The following STOX2 variants were observed in gnomAD, a reference collection of about 807,000 sequenced individuals.
STOX2 encodes storkhead box 2.
STOX2 carries 28 observed loss-of-function variants against 60.9 expected under a neutral mutation model. The observed-to-expected ratio is 0.46, with a 90% confidence interval of 0.34 to 0.63. The LOEUF (loss-of-function observed/expected upper bound fraction) is 0.63. Among genes scored for constraint, STOX2 ranks in the 30% least tolerant of loss-of-function variants. The pLI, the probability that STOX2 is intolerant of heterozygous loss-of-function variation, is 0.01. For synonymous variants in STOX2, 472 were observed against 463.9 expected (o/e 1.02, Z -0.22); for missense variants, 1,024 against 1,187.7 (o/e 0.86, Z 2.03).
Position 184,010,249 on chromosome 4 carries a change from C to G in STOX2, c.1411C>G (p.His471Asp), listed in dbSNP as rs777006213. 1.6e-5 allele frequency: 25 copies of G among 1,565,730 alleles called. No individual in the cohort carries two copies. Among genetic ancestry groups the G allele is most frequent in the Non-Finnish European group, 2.1e-5 (24 of 1,155,418 alleles). Residue 471 changes from histidine to aspartate, a missense_variant, in exon 3 of 4, where the codon CAC becomes GAC. Physicochemically the swap from His to Asp is moderately conservative, Grantham distance 81 (BLOSUM62 -1). This residue lies in a region of STOX2 where 922 missense variants were observed against 1,058.3 expected (regional missense o/e 0.87). Coordinates refer to ENST00000308497, the MANE Select transcript of STOX2 (RefSeq NM_020225.3). The surrounding 1 kb of genome is among the most constrained non-coding windows in gnomAD (Gnocchi z 4.5). ...GSSHSKVHRS[H>D]SHTQDRRSRN... ...CTCCCACTCAAAAGTGCACCGAAGC[C>G]ACAGCCATACACAGGACCGGAGGTC...
intron 1 of STOX2, among the ~76,000 whole-genome samples, chr4:183,889,773 C>T (rs78113997): frequency 0.13 from 20,283 of 152,180 alleles, 1,477 homozygotes; most frequent in East Asian, 0.22. Context: ...TCTTTCTACA[C>T]CTGCCTCCTT....
chr4:183,988,412 G>A (rs1055880349), intron 1 of STOX2: 3 of 151,978 alleles, frequency 2.0e-5, no homozygotes, highest in African/African-American at 7.2e-5. Context: ...TAAAAGAATG[G>A]TAAAGAGGAT....
chr4:184,006,282 G>A (rs901671894), intron 2 of STOX2, among the ~76,000 whole-genome samples: 5 of 152,242 alleles, frequency 3.3e-5, no homozygotes, highest in African/African-American at 1.2e-4. Context: ...TCACATTGTT[G>A]ACTAAAAGTA....
intron 1 of STOX2, among the ~76,000 whole-genome samples, chr4:183,942,135 AC>A (rs1742769354): frequency 6.6e-6 from 1 of 152,186 alleles, no homozygotes; most frequent in Non-Finnish European, 1.5e-5. Flanking sequence ...TTTAATGTTA[AC>A]AGCTCTGAGA....
At chr4:183,844,523 G>T (rs1264148371) in intron 1 of STOX2, among the ~76,000 whole-genome samples, 1 of 152,094 alleles carries the variant, frequency 6.6e-6, no homozygotes, top group African/African-American at 2.4e-5. Context: ...TTGTCAAATT[G>T]TGTGAATTGT....
At chr4:183,897,968 T>A (rs1219387223) in intron 1 of STOX2, among the ~76,000 whole-genome samples, 1 of 152,232 alleles carries the variant, frequency 6.6e-6, no homozygotes, top group Non-Finnish European at 1.5e-5. Context: ...ATTATCACGT[T>A]CCTTTTTTTA....
chr4:183,837,564 T>C (rs932265386), intron 1 of STOX2, among the ~76,000 whole-genome samples: 3 of 152,068 alleles, frequency 2.0e-5, no homozygotes, highest in African/African-American at 7.2e-5. Flanking sequence ...GTTCAAGTAA[T>C]TTTCCTGCCT....
Position 183,909,866 on chromosome 4 carries a change from C to T in STOX2, c.166+2910C>T, listed in dbSNP as rs964249725. Among the ~76,000 whole-genome samples the T allele has an allele frequency of 4.6e-5, 7 of 152,320 alleles. 1 individual carries two copies. In the South Asian group the frequency reaches 1.5e-3, roughly 32 times the overall value. ...GGCTTGACATTTAGCCTTGGCCTTT[C>T]CGATACCTTCAGGATAAACTACACT... On this transcript the variant is annotated intron_variant, in intron 1 of 3. Transcript: ENST00000308497.
chr4:183,873,188 C>G (rs991488532), intron 1 of STOX2, among the ~76,000 whole-genome samples: 1 of 152,024 alleles, frequency 6.6e-6, no homozygotes, highest in Non-Finnish European at 1.5e-5. Flanking sequence ...TGGTTTACAC[C>G]TGTAATCCCA....
At chr4:183,837,700 C>G (rs984328076) in intron 1 of STOX2, among the ~76,000 whole-genome samples, 1 of 152,052 alleles carries the variant, frequency 6.6e-6, no homozygotes, top group African/African-American at 2.4e-5. Flanking sequence ...CTCAAGTGAT[C>G]CCCCTGCCTC....
Position 183,821,838 on chromosome 4 carries a change from T to G in STOX2, c.364+23783T>G, listed in dbSNP as rs1739310725. The stretch of plus-strand genomic sequence containing the variant: ...TGCATTCTGACCCCTGCCCCAGGTT[T>G]GTGAGTCTGTAGGGTGGGGTTCTAG... On this transcript the variant is annotated intron_variant, in intron 1 of 2. Coordinates refer to the STOX2 transcript ENST00000513034. The surrounding 1 kb of genome is among the most constrained non-coding windows in gnomAD (Gnocchi z 4.2). Among the ~76,000 whole-genome samples, 1 of 152,236 alleles carries G rather than the reference T, an allele frequency of 6.6e-6. No individual in the cohort carries two copies. Among genetic ancestry groups the G allele is most frequent in the Non-Finnish European group, 1.5e-5 (1 of 68,044 alleles).
At chr4:183,948,635 G>A (rs1742976579) in intron 1 of STOX2, among the ~76,000 whole-genome samples, 1 of 132,226 alleles carries the variant, frequency 7.6e-6, no homozygotes, top group East Asian at 2.6e-4. Flanking sequence ...GGGTTCAAGC[G>A]ATTCTCCTGC....
At chr4:183,951,132 G>T (rs917713112) in intron 1 of STOX2, among the ~76,000 whole-genome samples, 1 of 135,306 alleles carries the variant, frequency 7.4e-6, no homozygotes, top group South Asian at 2.2e-4. Context: ...AGGAGAATGG[G>T]TGAACCCGGG....
chr4:183,925,124 C>T (rs1316034027), intron 1 of STOX2, among the ~76,000 whole-genome samples: 3 of 152,062 alleles, frequency 2.0e-5, no homozygotes, highest in East Asian at 1.9e-4. Flanking sequence ...TTTTAATCTT[C>T]GAATGAAGCC....
Position 183,942,596 on chromosome 4 carries a change from C to T in STOX2, c.166+35640C>T, listed in dbSNP as rs563247670. On this transcript the variant is annotated intron_variant, in intron 1 of 3. Coordinates refer to ENST00000308497, the MANE Select transcript of STOX2 (RefSeq NM_020225.3). ...CCTTTTCTTAAAAAAAAAGTCATTC[C>T]ATATTGCATAATTTATATTTGTAAA... Among the ~76,000 whole-genome samples the T allele has an allele frequency of 8.5e-5, 13 of 152,092 alleles. No individual in the cohort carries two copies. The East Asian group carries it at 1.4e-3, about 16-fold the overall frequency.
intron 1 of STOX2, among the ~76,000 whole-genome samples, chr4:183,867,157 G>A (rs1740587534): frequency 6.6e-6 from 1 of 152,138 alleles, no homozygotes; most frequent in Non-Finnish European, 1.5e-5. Flanking sequence ...TCAAGGTGGT[G>A]ACATGTTCGC....
At chr4:183,868,724 A>G (rs17075108) in intron 1 of STOX2, among the ~76,000 whole-genome samples, 19,129 of 152,238 alleles carry the variant, frequency 0.13, 1,408 homozygotes, top group African/African-American at 0.19. Context: ...CGAATTCAAG[A>G]CTTCATGGAA....
chr4:183,960,753 A>G (rs1249187268), intron 1 of STOX2, among the ~76,000 whole-genome samples: 3 of 152,192 alleles, frequency 2.0e-5, no homozygotes, highest in African/African-American at 7.2e-5. Context: ...CAGGAGGTTT[A>G]GTTCATTTTT....
Position 184,011,460 on chromosome 4 carries a change from A to C in STOX2, c.2585+37A>C. On this transcript the variant is annotated intron_variant, in intron 3 of 3. Transcript: ENST00000308497. The surrounding 1 kb of genome is among the most constrained non-coding windows in gnomAD (Gnocchi z 4.4). ...TGTCTCTGTGCACACACATGCGCCT[A>C]GCGGGGCCTGGGGCTTTATGCACGT... The C allele has an allele frequency of 6.3e-7, 1 of 1,590,164 alleles. No homozygotes were observed. Among genetic ancestry groups the C allele is most frequent in the South Asian group, 1.1e-5 (1 of 87,196 alleles).
Sources: allele counts gnomAD v4.1 joint callset (sites outside exome capture counted in the v4.1 genomes callset), GRCh38; gene constraint gnomAD v4.1.1; regional missense constraint gnomAD v4.1.1; non-coding constraint Gnocchi (gnomAD v3.1); transcripts MANE v1.5; gene names NCBI Gene and HGNC (gene_info 2026-07-23, HGNC 2026-07-21).